Variants in GRK7 observed in about 807,000 individuals in gnomAD.
GRK7 encodes the protein rhodopsin kinase GRK7.
Under a neutral mutation model 34.1 loss-of-function variants are expected in GRK7, and 24 were observed. The ratio of observed to expected loss-of-function variants is 0.70; its 90% confidence interval spans 0.51 to 0.99. The LOEUF (loss-of-function observed/expected upper bound fraction) is 0.99, where lower values mean the gene tolerates loss of function less well. GRK7 is among the 50% of genes least tolerant of loss of function. GRK7 has a pLI of 0.00. For synonymous variants in GRK7, 256 were observed against 279.4 expected, an observed-to-expected ratio of 0.92 and a Z score of 0.84; for missense variants, 644 against 707.3, an observed-to-expected ratio of 0.91 and a Z score of 1.02.
At chr3:141,807,959 A>T in intron 5 of GRK7, 40 bp downstream of exon 5, 2 of 1,519,216 alleles carry the variant, frequency 1.3e-6, no homozygotes, top group Non-Finnish European at 1.8e-6. Flanking sequence ...TGACACCAGT[A>T]TTGTCCACAG....
chr3:141,795,479 C>A (rs1327409627), intron 4 of GRK7, among the ~76,000 whole-genome samples: 3 of 152,250 alleles, frequency 2.0e-5, no homozygotes, highest in African/African-American at 7.2e-5. Flanking sequence ...GGCTTTGCAG[C>A]TGGCTGCAGT....
intron 4 of GRK7, among the ~76,000 whole-genome samples, chr3:141,784,257 G>A (rs1010536688): frequency 1.3e-5 from 2 of 152,132 alleles, no homozygotes; most frequent in African/African-American, 2.4e-5. Context: ...AGTGCTGTCC[G>A]CTACCAGGAA....
chr3:141,792,667 G>A (rs2084730064), intron 4 of GRK7, among the ~76,000 whole-genome samples: 1 of 152,170 alleles, frequency 6.6e-6, no homozygotes, highest in South Asian at 2.1e-4. Flanking sequence ...GGAAGATATT[G>A]GGGAGCTATG....
intron 2 of GRK7, among the ~76,000 whole-genome samples, chr3:141,777,163 A>G (rs2084643537): frequency 6.6e-6 from 1 of 151,976 alleles, no homozygotes. Flanking sequence ...AACAGTCGCG[A>G]CCGCATGCCG....
chr3:141,780,302 C>T lies in GRK7; in HGVS notation c.613-72C>T, dbSNP rs878945266. ...CCTAACATCTTTCCACCCACCTCCT[C>T]CTTTATCATCTCCACCTCTCTGCAG... is the stretch of plus-strand genomic sequence containing the variant. On this transcript the variant is annotated intron_variant, in intron 3 of 5. Transcript: ENST00000682958. 1.6e-4 allele frequency: 213 copies of T among 1,295,098 alleles called. 5 individuals carry two copies. The South Asian group carries it at 2.5e-3, about 15-fold the overall frequency. The allele number at this position is 1,295,098 out of a possible 1,614,324, so 80.2% of individuals were successfully genotyped here.
intron 3 of GRK7, among the ~76,000 whole-genome samples, chr3:141,779,409 C>CAAAAAAAAAAAAAAAAAAA (rs10626329): frequency 1.0e-5 from 1 of 96,490 alleles, no homozygotes; most frequent in Non-Finnish European, 2.0e-5. Context: ...GAGCAAGACT[C>CAAAAAAAAAAAAAAAAAAA]AAAAAAAAAA....
chr3:141,811,762 CA>C lies in GRK7; in HGVS notation c.1325+3844del, dbSNP rs113799663. On this transcript the variant is annotated intron_variant, in intron 5 of 5. Transcript: ENST00000682958. ...GCAAATGCCTCGACAGCATGTTACA[CA>C]GCAGAGTTCAAATGCTCCCTCCCTG... Among the ~76,000 whole-genome samples, 638 of 152,338 alleles carry C rather than the reference CA, an allele frequency of 4.2e-3. 4 individuals are homozygous for C. Among genetic ancestry groups the C allele is most frequent in the African/African-American group, 0.015 (620 of 41,578 alleles).
chr3:141,805,631 A>G (rs1711029449), intron 4 of GRK7, among the ~76,000 whole-genome samples: 1 of 152,188 alleles, frequency 6.6e-6, no homozygotes, highest in African/African-American at 2.4e-5. Context: ...CACTTCCAGA[A>G]CTTTCTTGTT....
intron 4 of GRK7, among the ~76,000 whole-genome samples, chr3:141,800,464 A>G (rs4234468): frequency 0.79 from 119,309 of 150,420 alleles, 48,191 homozygotes; most frequent in African/African-American, 0.95. Flanking sequence ...GTAGAAAACA[A>G]GAACGATGCA....
intron 4 of GRK7, among the ~76,000 whole-genome samples, chr3:141,792,085 A>G (rs2084727181): frequency 1.3e-5 from 2 of 150,642 alleles, no homozygotes; most frequent in Non-Finnish European, 2.9e-5. Flanking sequence ...TGAAGCTTAC[A>G]GTCTAGTGGG....
At chr3:141,793,401 T>G (rs1022864324) in intron 4 of GRK7, among the ~76,000 whole-genome samples, 9 of 152,240 alleles carry the variant, frequency 5.9e-5, no homozygotes, top group African/African-American at 2.2e-4. Context: ...CAGAATGGAT[T>G]GCTGGCTGGT....
the GRK7 span, among the ~76,000 whole-genome samples, chr3:141,756,507 C>T: frequency 5.9e-5 from 9 of 152,014 alleles, no homozygotes; most frequent in South Asian, 2.1e-4. Context: ...TGTCTCTCAG[C>T]GAGGGGTATT....
chr3:141,780,920 T>A, intron 4 of GRK7, 109 bp downstream of exon 4: 2 of 1,011,758 alleles, frequency 2.0e-6, no homozygotes. Context: ...TTCTTTTGGT[T>A]TTTTTTCCTA....
chr3:141,754,765 CAATT>C, the GRK7 span, among the ~76,000 whole-genome samples: 3 of 152,148 alleles, frequency 2.0e-5, no homozygotes, highest in Non-Finnish European at 4.4e-5. Context: ...TTGATATTAA[CAATT>C]AACAATTGCT....
At chr3:141,816,311 G>C (rs1211820689) in intron 5 of GRK7, among the ~76,000 whole-genome samples, 1 of 152,128 alleles carries the variant, frequency 6.6e-6, no homozygotes, top group African/African-American at 2.4e-5. Context: ...TTTTTAAATG[G>C]GAGTGGTGGT....
At chr3:141,766,526 GAAAAA>G (rs887831670) in intron 1 of GRK7, among the ~76,000 whole-genome samples, 1 of 146,284 alleles carries the variant, frequency 6.8e-6, no homozygotes, top group East Asian at 2.0e-4. Context: ...CACCAAATGT[GAAAAA>G]AAAAAGTCTT....
At chr3:141,786,704 G>A (rs1301722411) in intron 4 of GRK7, among the ~76,000 whole-genome samples, 1 of 151,892 alleles carries the variant, frequency 6.6e-6, no homozygotes, top group African/African-American at 2.4e-5. Context: ...CTTGAACCCA[G>A]GAGGCAGAGG....
In GRK7 at chr3:141,780,808, G is replaced by C. The variant is rs771950737; in HGVS notation, c.1047G>C (p.Gln349His). The change falls in exon 4 of 6, where the codon CAG (glutamine) becomes CAC (histidine). Residue 349 changes from glutamine to histidine, a missense_variant. Gln to His is a conservative substitution (Grantham distance 24, BLOSUM62 0). Transcript: ENST00000682958. ...TGAAGGGTGGCAAGCCCATCACCCA[G>C]AGGGTGAGTGACTCTCCACCTGCCC... ...VEMKGGKPIT[Q>H]RAGTNGYMAP... The C allele has an allele frequency of 1.1e-4, 172 of 1,610,160 alleles. No individual in the cohort carries two copies. Among genetic ancestry groups the C allele is most frequent in the Non-Finnish European group, 1.5e-4 (171 of 1,177,316 alleles).
At chr3:141,772,789 A>C (rs762424845) in intron 1 of GRK7, among the ~76,000 whole-genome samples, 1 of 152,202 alleles carries the variant, frequency 6.6e-6, no homozygotes, top group Non-Finnish European at 1.5e-5. Flanking sequence ...GCTTTCTACT[A>C]TCATAAAAGT....
Sources: gnomAD v4.1 joint callset for allele counts (sites outside exome capture counted in the v4.1 genomes callset) on GRCh38, gnomAD v4.1.1 for gene constraint, MANE v1.5 for transcripts, NCBI Gene and HGNC (gene_info 2026-07-23, HGNC 2026-07-21) for gene names.